The following MYH7B variants were observed in gnomAD, a reference collection of about 807,000 sequenced individuals.
The protein encoded by MYH7B is myosin-7B.
MYH7B carries 205 observed loss-of-function variants against 234.5 expected under a neutral mutation model. That is an observed-to-expected ratio of 0.87 (90% CI 0.78 to 0.98). The LOEUF (loss-of-function observed/expected upper bound fraction) is 0.98, where lower values mean the gene tolerates loss of function less well. Among genes scored for constraint, MYH7B ranks in the 50% least tolerant of loss-of-function variants. The probability of loss-of-function intolerance (pLI) is 0.00; values close to 1 mark genes in which losing one functional copy is unlikely to be tolerated. For missense variants in MYH7B, 2,652 were observed against 2,633.4 expected (o/e 1.01, Z -0.15); for synonymous variants, 1,193 against 1,105.0 (o/e 1.08, Z -1.58).
chr20:34,999,027 T>C, intron 35 of MYH7B, 29 bp from the exon 36 acceptor site: 1 of 1,595,284 alleles, frequency 6.3e-7, no homozygotes, highest in Non-Finnish European at 8.5e-7. Flanking sequence ...CCTTCCATGG[T>C]CCACACCTTG....
chr20:34,998,658 G>A (rs748631913), intron 34 of MYH7B, 29 bp downstream of exon 34: 8 of 1,612,450 alleles, frequency 5.0e-6, no homozygotes, highest in Non-Finnish European at 6.8e-6. Flanking sequence ...CCATGGAGTG[G>A]GCAGGTGGGC....
intron 2 of MYH7B, among the ~76,000 whole-genome samples, chr20:34,965,657 G>A (rs1054053720): frequency 2.0e-5 from 3 of 152,238 alleles, no homozygotes; most frequent in Admixed American, 6.5e-5. Context: ...GATACAGAGG[G>A]TGAAGAGAGA....
chr20:34,999,753 CCCCCCCCCA>C, intron 37 of MYH7B, 29 bp from the exon 38 acceptor site: 1 of 1,010,362 alleles, frequency 9.9e-7, no homozygotes, highest in South Asian at 1.6e-5. Context: ...CTGGCCATCC[CCCCCCCCCA>C]CCCTACCCTG....
rs371853048 is a variant in MYH7B, at chr20:34,997,587, C to T, written c.3694C>T (p.Arg1232Cys). 339 of 1,613,362 alleles carry T rather than the reference C, an allele frequency of 2.1e-4. No homozygotes were observed. Among genetic ancestry groups the T allele is most frequent in the Non-Finnish European group, 2.7e-4 (315 of 1,179,708 alleles). The stretch of plus-strand genomic sequence containing the variant: ...GCTGGAGAAGGAGAAGAGTGAGCTG[C>T]GCATGGAGGTGGACGACCTGGCTGC... Residue 1232 changes from arginine to cysteine, a missense_variant, in exon 32 of 45, where the codon CGC becomes TGC. Arg to Cys is a radical substitution (Grantham distance 180, BLOSUM62 -3). Around this residue, in one of 3 missense-constraint regions of MYH7B, gnomAD observed 2,279 missense variants for 2,211.4 expected, o/e 1.03. Transcript: ENST00000262873.
intron 23 of MYH7B, 80 bp from the exon 24 acceptor site, chr20:34,990,924 C>T: frequency 6.4e-7 from 1 of 1,561,092 alleles, no homozygotes; most frequent in Non-Finnish European, 8.8e-7. Flanking sequence ...CCTCACCTCG[C>T]AGGGTCTCCA....
chr20:34,986,901 C>T (rs755571724), exon 15 of MYH7B: 1 of 1,614,042 alleles, frequency 6.2e-7, no homozygotes, highest in East Asian at 2.2e-5. Flanking sequence ...CTGCTTCTGT[C>T]TATGAACCCC....
rs544683169 is a variant in MYH7B, at chr20:35,000,606, C to T, written c.5095C>T (p.Leu1699=). Residue 1699 remains leucine, a synonymous_variant, in exon 39 of 45, where the codon CTG becomes TTG. Coordinates refer to ENST00000262873, the Ensembl canonical transcript of MYH7B. Reference sequence around the variant, plus strand: ...GGAGCTGGAGGAGCTGCGGGCTGCCCTGGAGCAGGGCGAGCGCAGCCGGCG... The same window carrying T: ...GGAGCTGGAGGAGCTGCGGGCTGCCTTGGAGCAGGGCGAGCGCAGCCGGCG... The T allele has an allele frequency of 5.1e-6, 8 of 1,572,338 alleles. No individual in the cohort carries two copies. In the African/African-American group the frequency reaches 1.1e-4, roughly 21 times the overall value.
At chr20:34,975,630 C>T (rs2081842770) in intron 3 of MYH7B, 131 bp downstream of exon 3, 4 of 607,074 alleles carry the variant, frequency 6.6e-6, no homozygotes, top group South Asian at 2.0e-5. Flanking sequence ...AGGGGACCCG[C>T]GTCATTTCCT....
intron 2 of MYH7B, among the ~76,000 whole-genome samples, chr20:34,970,821 G>T (rs2081786273): frequency 6.6e-6 from 1 of 152,214 alleles, no homozygotes; most frequent in South Asian, 2.1e-4. Flanking sequence ...AAGGCAGAGA[G>T]TGGGACAGGA....
intron 2 of MYH7B, among the ~76,000 whole-genome samples, chr20:34,959,512 C>CT (rs1403629178): frequency 6.7e-6 from 1 of 148,658 alleles, no homozygotes; most frequent in Non-Finnish European, 1.5e-5. Flanking sequence ...GAGTCTCTCT[C>CT]TGTCACCCAG....
At chr20:34,998,911 G>T in exon 35 of MYH7B, 1 of 1,611,446 alleles carries the variant, frequency 6.2e-7, no homozygotes, top group Non-Finnish European at 8.5e-7. Context: ...GCTGGAGGAG[G>T]CCAAGTGAGT....
At chr20:34,971,048 T>A (rs2081789141) in intron 2 of MYH7B, among the ~76,000 whole-genome samples, 1 of 152,178 alleles carries the variant, frequency 6.6e-6, no homozygotes, top group African/African-American at 2.4e-5. Context: ...CCAGAACAGC[T>A]GTTCATGTTA....
intron 2 of MYH7B, among the ~76,000 whole-genome samples, chr20:34,969,136 C>G (rs1450896376): frequency 1.3e-5 from 2 of 152,086 alleles, no homozygotes; most frequent in Non-Finnish European, 2.9e-5. Flanking sequence ...CACCACTGGA[C>G]TGGAGGAAAG....
Position 34,987,211 on chromosome 20 carries a change from C to T in MYH7B, c.1071C>T (p.Gly357=), listed in dbSNP as rs17092203. ...AATGTGCCTGCTATAAGATCGTGGG[C>T]GCCCTCCTGCACTTTGGCAACATGA... Residue 357 remains glycine (G), a synonymous_variant, in exon 16 of 45, where the codon GGC becomes GGT. Coordinates refer to ENST00000262873, the Ensembl canonical transcript of MYH7B. 8.3e-3 allele frequency: 13,337 copies of T among 1,612,436 alleles called. 911 individuals carry two copies. In the African/African-American group the frequency reaches 0.15, roughly 19 times the overall value.
chr20:34,975,232 G>C (rs866755843), intron 2 of MYH7B, among the ~76,000 whole-genome samples, 168 bp from the exon 3 acceptor site: 1 of 152,314 alleles, frequency 6.6e-6, no homozygotes, highest in South Asian at 2.1e-4. Flanking sequence ...TTGCTTTTGA[G>C]ACTGGGTCTG....
At chr20:34,971,590 C>A (rs936627412) in intron 2 of MYH7B, among the ~76,000 whole-genome samples, 2 of 152,202 alleles carry the variant, frequency 1.3e-5, no homozygotes, top group Admixed American at 6.5e-5. Context: ...GGCCCAACCA[C>A]CCCCAGTGTG....
chr20:34,996,546 T>TGGGTGGCGGGGCCG, intron 29 of MYH7B, 24 bp downstream of exon 29: 1 of 1,603,710 alleles, frequency 6.2e-7, no homozygotes, highest in Middle Eastern at 1.7e-4. Context: ...ACCCCGAGAC[T>TGGGTGGCGGGGCCG]GGGTGGCGGG....
chr20:34,990,441 C>A, intron 22 of MYH7B, 131 bp downstream of exon 22: 2 of 1,018,378 alleles, frequency 2.0e-6, no homozygotes, highest in Non-Finnish European at 3.1e-6. Flanking sequence ...CTCCTCTCCA[C>A]GTGAACATCA....
chr20:34,982,751 G>A (rs913626225), intron 10 of MYH7B, among the ~76,000 whole-genome samples, 196 bp downstream of exon 10: 5 of 152,088 alleles, frequency 3.3e-5, no homozygotes, highest in African/African-American at 7.2e-5. Context: ...CACCTGACGC[G>A]CCTGCCTTCG....
Sources: allele counts gnomAD v4.1 joint callset (sites outside exome capture counted in the v4.1 genomes callset), GRCh38; gene constraint gnomAD v4.1.1; regional missense constraint gnomAD v4.1.1; transcripts MANE v1.5; gene names NCBI Gene and HGNC (gene_info 2026-07-23, HGNC 2026-07-21).